The following COL24A1 variants were observed in gnomAD, a reference collection of about 807,000 sequenced individuals.
COL24A1 encodes collagen alpha-1(XXIV) chain.
Under a neutral mutation model 253.9 loss-of-function variants are expected in COL24A1, and 224 were observed. The ratio of observed to expected loss-of-function variants is 0.88; its 90% CI spans 0.79 to 0.99. The LOEUF is 0.99. Ranked by LOEUF, COL24A1 falls within the 50% of genes least tolerant of loss-of-function variation. COL24A1 has a pLI of 0.00. For synonymous variants in COL24A1, 685 were observed against 673.7 expected, an observed-to-expected ratio of 1.02 and a Z score of -0.26; for missense variants, 2,131 against 2,068.5, an observed-to-expected ratio of 1.03 and a Z score of -0.59.
intron 55 of COL24A1, among the ~76,000 whole-genome samples, chr1:85,760,769 A>C (rs1357972426): frequency 6.6e-6 from 1 of 152,158 alleles, no homozygotes; most frequent in Non-Finnish European, 1.5e-5. Context: ...AGATGGAGAG[A>C]GACCTTTCAT....
At chr1:85,747,270 C>T (rs969370056) in intron 55 of COL24A1, among the ~76,000 whole-genome samples, 1 of 151,710 alleles carries the variant, frequency 6.6e-6, no homozygotes, top group Non-Finnish European at 1.5e-5. Context: ...TGTGACAACA[C>T]ACCCAGCTAA....
At chr1:86,023,852 CCTTTTTCTT>C (rs1243418107) in intron 14 of COL24A1, among the ~76,000 whole-genome samples, 1 of 152,064 alleles carries the variant, frequency 6.6e-6, no homozygotes, top group Non-Finnish European at 1.5e-5. Flanking sequence ...ACTGAGGTCT[CCTTTTTCTT>C]CTTTTTCTCA....
chr1:85,962,659 T>C (rs1209497414), intron 23 of COL24A1, among the ~76,000 whole-genome samples: 2 of 152,160 alleles, frequency 1.3e-5, no homozygotes, highest in Non-Finnish European at 2.9e-5. Flanking sequence ...AGGAATGGCA[T>C]CAGCAAAGGT....
At position 85,790,026 on chromosome 1, in the gene COL24A1, C is replaced by T. The variant is rs112783132; in HGVS notation, c.3952-3565G>A. Among the ~76,000 whole-genome samples the T allele has an allele frequency of 3.4e-3, 523 of 152,132 alleles. 2 individuals carry two copies. The highest frequency in any genetic ancestry group is 0.012 in the African/African-American group (505 of 41,514). ...CTTAAGTTTTCTTTTTTTGTTATAT[C>T]TCTAGCAGGTTTTGGTATCAGGATG... On this transcript the variant is annotated intron_variant, in intron 47 of 59. Coordinates refer to ENST00000370571, the MANE Select transcript of COL24A1 (RefSeq NM_152890.7).
At chr1:86,145,567 G>A (rs1210042645) in intron 2 of COL24A1, among the ~76,000 whole-genome samples, 4 of 152,026 alleles carry the variant, frequency 2.6e-5, no homozygotes, top group Non-Finnish European at 5.9e-5. Flanking sequence ...TTAAATGAAT[G>A]AATTAGGATA....
At chr1:86,011,317 T>A (rs1696463467) in intron 19 of COL24A1, among the ~76,000 whole-genome samples, 1 of 152,190 alleles carries the variant, frequency 6.6e-6, no homozygotes, top group Non-Finnish European at 1.5e-5. Context: ...GATTTTAGCC[T>A]TATAGAATTT....
At chr1:85,854,447 G>A (rs949389699) in intron 37 of COL24A1, among the ~76,000 whole-genome samples, 2 of 152,044 alleles carry the variant, frequency 1.3e-5, no homozygotes, top group African/African-American at 4.8e-5. Context: ...TGGCTACTTG[G>A]GCTCTTTTTT....
intron 39 of COL24A1, 71 bp from the exon 40 acceptor site, chr1:85,842,464 C>T (rs1263077396): frequency 9.6e-7 from 1 of 1,044,500 alleles, no homozygotes; most frequent in South Asian, 1.4e-5. Flanking sequence ...ACTTCTACTC[C>T]TATTGTTTAA....
At chr1:86,095,792 A>G (rs567844194) in intron 5 of COL24A1, among the ~76,000 whole-genome samples, 8 of 152,224 alleles carry the variant, frequency 5.3e-5, no homozygotes, top group African/African-American at 1.4e-4. Context: ...GACTATGAGT[A>G]AGAGGAAAAG....
intron 22 of COL24A1, among the ~76,000 whole-genome samples, chr1:85,966,077 G>C (rs1013290604): frequency 1.3e-5 from 2 of 152,130 alleles, no homozygotes; most frequent in Admixed American, 6.6e-5. Flanking sequence ...AATAATCCAA[G>C]TGAGAGATGA....
chr1:86,124,157 A>G (rs1333771754), intron 3 of COL24A1, among the ~76,000 whole-genome samples: 15 of 152,020 alleles, frequency 9.9e-5, no homozygotes, highest in Non-Finnish European at 1.5e-5. Context: ...AAAGAAATTC[A>G]GGGCTGAAAA....
intron 5 of COL24A1, among the ~76,000 whole-genome samples, chr1:86,110,736 C>T (rs556613752): frequency 3.0e-4 from 46 of 152,248 alleles, no homozygotes; most frequent in Non-Finnish European, 5.4e-4. Context: ...ATGGCCCGCC[C>T]GTGCTGCGCT....
intron 33 of COL24A1, among the ~76,000 whole-genome samples, chr1:85,875,951 T>C (rs1265626155): frequency 2.0e-5 from 3 of 152,112 alleles, no homozygotes; most frequent in Admixed American, 2.0e-4. Flanking sequence ...TTTATAAACA[T>C]GCTATGTGTG....
chr1:85,944,256 T>C (rs541585932), intron 24 of COL24A1, among the ~76,000 whole-genome samples: 1 of 152,346 alleles, frequency 6.6e-6, no homozygotes, highest in South Asian at 2.1e-4. Flanking sequence ...TAAGTTTTTA[T>C]ATATTTCACT....
chr1:86,136,450 T>C (rs1279714553), intron 2 of COL24A1, among the ~76,000 whole-genome samples: 1 of 152,116 alleles, frequency 6.6e-6, no homozygotes, highest in Non-Finnish European at 1.5e-5. Context: ...TTGCTGAAAG[T>C]GATTTTTAAG....
At chr1:86,016,894 A>G (rs1697042331) in intron 19 of COL24A1, among the ~76,000 whole-genome samples, 1 of 152,178 alleles carries the variant, frequency 6.6e-6, no homozygotes, top group African/African-American at 2.4e-5. Context: ...ACTTGTTATT[A>G]ATAGCTGTGC....
At chr1:85,917,861 C>T (rs78843384) in intron 24 of COL24A1, among the ~76,000 whole-genome samples, 9 of 152,084 alleles carry the variant, frequency 5.9e-5, no homozygotes, top group African/African-American at 1.4e-4. Flanking sequence ...TGCACCACGA[C>T]GCCCAGCTAA....
At chr1:86,067,383 C>T (rs930900332) in intron 7 of COL24A1, among the ~76,000 whole-genome samples, 32 of 152,046 alleles carry the variant, frequency 2.1e-4, no homozygotes, top group Admixed American at 1.2e-3. Flanking sequence ...GATACCTAAG[C>T]CCTTGAAAAA....
In COL24A1 at chr1:85,730,608, GT is replaced by G; in HGVS notation, c.5082del (p.Lys1694AsnfsTer72). On this transcript the variant is annotated frameshift_variant, in exon 60 of 60. Coordinates refer to ENST00000370571, the MANE Select transcript of COL24A1 (RefSeq NM_152890.7). LOFTEE classifies it high-confidence loss of function. ...TTTCGTTCAGTTTTGAGATGAGGAA[GT>G]TTTTGTACTTCAATCACTGGAAGTT... ...PNQLPVIEVQKLPHLKTERKY... is the reference protein window; with the variant it reads ...PNQLPVIEVQXLPHLKTERKY... The G allele has an allele frequency of 1.2e-6, 2 of 1,614,008 alleles. No homozygotes were observed. The highest frequency in any genetic ancestry group is 1.7e-6 in the Non-Finnish European group (2 of 1,179,910).
Sources: allele counts gnomAD v4.1 joint callset (sites outside exome capture counted in the v4.1 genomes callset), GRCh38; gene constraint gnomAD v4.1.1; transcripts MANE v1.5; gene names NCBI Gene and HGNC (gene_info 2026-07-23, HGNC 2026-07-21).